Variants in DACH2 observed in about 807,000 individuals in gnomAD.
DACH2 encodes the protein dachshund homolog 2.
DACH2 carries 17 observed loss-of-function variants against 35.8 expected under a neutral mutation model. That is an observed-to-expected ratio of 0.48 (90% confidence interval 0.33 to 0.71). The LOEUF is 0.71. Ranked by LOEUF, DACH2 falls within the 30% of genes least tolerant of loss-of-function variation. DACH2 has a pLI of 0.02. For missense variants in DACH2, 469 were observed against 472.7 expected (o/e 0.99, Z 0.07); for synonymous variants, 195 against 177.3 (o/e 1.10, Z -0.79).
At chrX:86,546,434 C>CT (rs2038971427) in intron 3 of DACH2, among the ~76,000 whole-genome samples, 1 of 28,566 alleles carries the variant, frequency 3.5e-5, no homozygotes, top group African/African-American at 1.3e-4. Flanking sequence ...CTTCTTCTTC[C>CT]TCTTCTTCTT....
intron 1 of DACH2, among the ~76,000 whole-genome samples, chrX:86,337,811 G>T (rs971424184): frequency 9.0e-6 from 1 of 111,532 alleles, no homozygotes; most frequent in African/African-American, 3.3e-5. Flanking sequence ...CTGTATTCAG[G>T]AGACCCATCT....
At chrX:86,603,403 G>C (rs1489010526) in intron 3 of DACH2, among the ~76,000 whole-genome samples, 2 of 109,786 alleles carry the variant, frequency 1.8e-5, no homozygotes, top group African/African-American at 3.3e-5. Flanking sequence ...CCCAGTTCAT[G>C]TCCTTTTCGC....
In DACH2 at chrX:86,495,943, C is replaced by T. The variant is rs557893470; in HGVS notation, c.528-18336C>T. On this transcript the variant is annotated intron_variant, in intron 2 of 11. Transcript: ENST00000373125. ...TGTTACAATAGGTACAATAATATACCGAAGATGTAGGTACTATTATTGTTC... is the reference window on the plus strand; with the variant it reads ...TGTTACAATAGGTACAATAATATACTGAAGATGTAGGTACTATTATTGTTC... 3.6e-5 allele frequency among the ~76,000 whole-genome samples: 4 copies of T among 110,614 alleles called. 1 individual carries two copies. In the East Asian group the frequency reaches 1.1e-3, roughly 32 times the overall value.
intron 2 of DACH2, among the ~76,000 whole-genome samples, chrX:86,467,680 A>G (rs2037694886): frequency 9.0e-6 from 1 of 111,540 alleles, no homozygotes; most frequent in Admixed American, 9.6e-5. Context: ...CACACTGCTA[A>G]TAAAGACATA....
chrX:86,213,790 C>T (rs2032505037), intron 1 of DACH2, among the ~76,000 whole-genome samples: 2 of 111,063 alleles, frequency 1.8e-5, no homozygotes, highest in Non-Finnish European at 3.8e-5. Flanking sequence ...TCTTCCCTGT[C>T]TTAAAATTCC....
At chrX:86,329,948 C>A (rs755060031) in intron 1 of DACH2, among the ~76,000 whole-genome samples, 43 of 111,543 alleles carry the variant, frequency 3.9e-4, no homozygotes, top group Non-Finnish European at 6.8e-4. Context: ...TGTTTGAAAG[C>A]AGCTTGGAAG....
chrX:86,338,861 C>T (rs1339995579), intron 1 of DACH2, among the ~76,000 whole-genome samples: 1 of 111,508 alleles, frequency 9.0e-6, no homozygotes, highest in Non-Finnish European at 1.9e-5. Flanking sequence ...CAAATAGATG[C>T]AATAAAAAGT....
chrX:86,309,966 G>C (rs778689468), intron 1 of DACH2, among the ~76,000 whole-genome samples: 19 of 112,509 alleles, frequency 1.7e-4, no homozygotes, highest in African/African-American at 5.8e-4. Flanking sequence ...ATCCAATGGT[G>C]CTTGAGGTTT....
chrX:86,506,536 G>A (rs777798873), intron 2 of DACH2, among the ~76,000 whole-genome samples: 1 of 111,585 alleles, frequency 9.0e-6, no homozygotes, highest in East Asian at 2.8e-4. Flanking sequence ...GAGGACTACA[G>A]GTGTGTGACA....
At chrX:86,394,173 G>A (rs1003945714) in intron 2 of DACH2, among the ~76,000 whole-genome samples, 3 of 109,449 alleles carry the variant, frequency 2.7e-5, no homozygotes, top group Admixed American at 2.0e-4. Flanking sequence ...GATTGCATAC[G>A]TGTTTACGTT....
At chrX:86,647,533 C>T (rs1372573991) in intron 3 of DACH2, among the ~76,000 whole-genome samples, 2 of 110,477 alleles carry the variant, frequency 1.8e-5, no homozygotes, top group Non-Finnish European at 1.9e-5. Context: ...GAAGAGGAAA[C>T]AGGGTGCTAT....
At position 86,546,503 on chromosome X, in the gene DACH2, C is replaced by CTT. The variant is rs35560036; in HGVS notation, c.640+32130_640+32131dup. Among the ~76,000 whole-genome samples the CTT allele has an allele frequency of 1.4e-3, 95 of 69,803 alleles. 4 individuals are homozygous for CTT. Among genetic ancestry groups the CTT allele is most frequent in the African/African-American group, 5.3e-3 (86 of 16,378 alleles). 60.6% of individuals were successfully genotyped at this position (69,803 alleles called of 115,157 possible). ...CTTCTTCCTCTTCTTCTTCTTCTTTCTTTTTTTTTTTTTTTTTTTAAGACA... is the reference window on the plus strand; with the variant it reads ...CTTCTTCCTCTTCTTCTTCTTCTTTCTTTTTTTTTTTTTTTTTTTTTAAGACA... On this transcript the variant is annotated intron_variant, in intron 3 of 11. Transcript: ENST00000373125.
chrX:86,244,755 A>G (rs1028759530), intron 1 of DACH2, among the ~76,000 whole-genome samples: 3 of 112,400 alleles, frequency 2.7e-5, no homozygotes, highest in Non-Finnish European at 5.6e-5. Flanking sequence ...TATTTATCAC[A>G]AGCATTAAAA....
At chrX:86,614,452 A>T (rs1047524287) in intron 3 of DACH2, among the ~76,000 whole-genome samples, 1 of 111,876 alleles carries the variant, frequency 8.9e-6, no homozygotes, top group Non-Finnish European at 1.9e-5. Flanking sequence ...GATATGTCTA[A>T]TGTTTGTGAA....
chrX:86,266,022 C>T (rs1025194493), intron 1 of DACH2, among the ~76,000 whole-genome samples: 6 of 111,317 alleles, frequency 5.4e-5, no homozygotes, highest in African/African-American at 1.6e-4. Context: ...CTTTTTTACT[C>T]TGCATGTAAA....
intron 2 of DACH2, among the ~76,000 whole-genome samples, chrX:86,499,613 T>C: frequency 8.9e-6 from 1 of 111,889 alleles, no homozygotes; most frequent in Non-Finnish European, 1.9e-5. Flanking sequence ...TTTTCACAAC[T>C]GCTAAATGTT....
chrX:86,430,063 T>C (rs1056007535), intron 2 of DACH2, among the ~76,000 whole-genome samples: 2 of 112,548 alleles, frequency 1.8e-5, no homozygotes, highest in Non-Finnish European at 1.9e-5. Context: ...TGACAAATTC[T>C]GTGCAATTGA....
intron 4 of DACH2, among the ~76,000 whole-genome samples, chrX:86,659,647 T>C (rs755406017): frequency 9.0e-6 from 1 of 111,697 alleles, no homozygotes; most frequent in African/African-American, 3.2e-5. Context: ...GGTTCCTACA[T>C]GTTATTCTCA....
intron 7 of DACH2, among the ~76,000 whole-genome samples, chrX:86,812,119 A>T (rs1249884497): frequency 8.9e-6 from 1 of 112,017 alleles, no homozygotes; most frequent in African/African-American, 3.2e-5. Context: ...AATACTATTC[A>T]GCAATAAAAA....
Sources: gnomAD v4.1 joint callset for allele counts (sites outside exome capture counted in the v4.1 genomes callset) on GRCh38, gnomAD v4.1.1 for gene constraint, MANE v1.5 for transcripts, NCBI Gene and HGNC (gene_info 2026-07-23, HGNC 2026-07-21) for gene names.